Variants in ZNF804B observed in about 807,000 individuals in gnomAD.
ZNF804B encodes zinc finger protein 804B.
Under a neutral mutation model 101.4 loss-of-function variants are expected in ZNF804B, and 80 were observed. The observed-to-expected ratio is 0.79, with a 90% CI of 0.66 to 0.95. The LOEUF (loss-of-function observed/expected upper bound fraction) is 0.95, where lower values mean the gene tolerates loss of function less well. Among genes scored for constraint, ZNF804B ranks in the 40% least tolerant of loss-of-function variants. ZNF804B has a pLI of 0.00. For missense variants in ZNF804B, 1,673 were observed against 1,561.9 expected, an observed-to-expected ratio of 1.07 and a Z score of -1.20; for synonymous variants, 622 against 558.8, an observed-to-expected ratio of 1.11 and a Z score of -1.59.
rs574979430 is a variant in ZNF804B, at chr7:89,277,111, A to G, written c.250-50233A>G. On this transcript the variant is annotated intron_variant, in intron 2 of 3. Coordinates refer to ENST00000333190, the MANE Select transcript of ZNF804B (RefSeq NM_181646.5). ...TATTATGTATACAAATATTTATTAT[A>G]TATAAATATATACAAAAATATAAAA... is the stretch of plus-strand genomic sequence containing the variant. 2.6e-3 allele frequency among the ~76,000 whole-genome samples: 384 copies of G among 148,360 alleles called. 10 individuals carry two copies. Among genetic ancestry groups the G allele is most frequent in the African/African-American group, 9.1e-3 (371 of 40,662 alleles).
intron 2 of ZNF804B, among the ~76,000 whole-genome samples, chr7:89,224,949 T>A (rs1789063815): frequency 6.6e-6 from 1 of 152,110 alleles, no homozygotes; most frequent in Non-Finnish European, 1.5e-5. Flanking sequence ...TATTAAAAAT[T>A]CTGCATTCTG....
intron 2 of ZNF804B, among the ~76,000 whole-genome samples, chr7:89,235,631 T>C (rs1789268213): frequency 6.6e-6 from 1 of 152,152 alleles, no homozygotes; most frequent in African/African-American, 2.4e-5. Context: ...AAAAAGAACT[T>C]AATTGGCTAT....
chr7:89,336,256 C>G lies in ZNF804B; in HGVS notation c.3274C>G (p.Gln1092Glu), dbSNP rs1270943076. Reference protein sequence around the residue: ...YTGVTDSTETQEDQINLDLQD... With the variant: ...YTGVTDSTETEEDQINLDLQD... ...TGGTGTGACTGATTCAACAGAGACC[C>G]AAGAAGACCAAATAAATCTAGACTT... The change falls in exon 4 of 4, where the codon CAA becomes GAA. Residue 1092 changes from glutamine to glutamate, a missense_variant. Coordinates refer to ENST00000333190, the MANE Select transcript of ZNF804B (RefSeq NM_181646.5). The G allele has an allele frequency of 6.2e-7, 1 of 1,613,764 alleles. No individual in the cohort carries two copies. The highest frequency in any genetic ancestry group is 1.7e-5 in the Admixed American group (1 of 59,936).
At chr7:89,235,561 T>A (rs535435258) in intron 2 of ZNF804B, among the ~76,000 whole-genome samples, 3 of 152,324 alleles carry the variant, frequency 2.0e-5, no homozygotes, top group Admixed American at 6.5e-5. Context: ...GTGTGTTAAA[T>A]TTGAGCAGTA....
At chr7:89,182,942 T>G (rs1416782850) in intron 1 of ZNF804B, among the ~76,000 whole-genome samples, 1 of 152,178 alleles carries the variant, frequency 6.6e-6, no homozygotes, top group Non-Finnish European at 1.5e-5. Context: ...ATGCATTATC[T>G]GTGTTTTCAA....
At chr7:88,956,838 C>A (rs1366215948) in intron 1 of ZNF804B, among the ~76,000 whole-genome samples, 1 of 151,426 alleles carries the variant, frequency 6.6e-6, no homozygotes, top group Non-Finnish European at 1.5e-5. Context: ...CAAATGCTAG[C>A]AACTCTATTT....
chr7:88,765,043 C>G (rs1203663869), intron 1 of ZNF804B, among the ~76,000 whole-genome samples: 1 of 152,060 alleles, frequency 6.6e-6, no homozygotes, highest in Non-Finnish European at 1.5e-5. Flanking sequence ...TTTTAGTTAG[C>G]ACCTATGCTA....
intron 1 of ZNF804B, among the ~76,000 whole-genome samples, chr7:89,069,280 A>G (rs953267735): frequency 6.6e-6 from 1 of 152,196 alleles, no homozygotes; most frequent in African/African-American, 2.4e-5. Flanking sequence ...ATGGGGCACA[A>G]AGTGTTAAAG....
chr7:89,322,800 A>C (rs1225690445), intron 2 of ZNF804B, among the ~76,000 whole-genome samples: 1 of 152,212 alleles, frequency 6.6e-6, no homozygotes, highest in African/African-American at 2.4e-5. Context: ...GACAACAACC[A>C]GAAAAAATAC....
intron 1 of ZNF804B, among the ~76,000 whole-genome samples, chr7:89,183,453 A>G (rs1323850788): frequency 3.3e-5 from 5 of 152,286 alleles, no homozygotes; most frequent in Non-Finnish European, 7.3e-5. Context: ...TATGCAGGAG[A>G]AAAGTAAGGA....
At chr7:88,921,923 A>G (rs1368824776) in intron 1 of ZNF804B, among the ~76,000 whole-genome samples, 1 of 152,132 alleles carries the variant, frequency 6.6e-6, no homozygotes, top group Non-Finnish European at 1.5e-5. Flanking sequence ...GTGCCTCACT[A>G]AAGAAGAATT....
At chr7:89,204,751 T>C (rs1025884919) in intron 1 of ZNF804B, among the ~76,000 whole-genome samples, 5 of 152,202 alleles carry the variant, frequency 3.3e-5, no homozygotes, top group Non-Finnish European at 7.3e-5. Flanking sequence ...GGTAGGACTA[T>C]TAAAATGTGA....
At chr7:89,013,424 A>G (rs1000438921) in intron 1 of ZNF804B, among the ~76,000 whole-genome samples, 2 of 152,220 alleles carry the variant, frequency 1.3e-5, no homozygotes, top group African/African-American at 4.8e-5. Context: ...GGTAACTTCT[A>G]TATACAATGA....
intron 2 of ZNF804B, among the ~76,000 whole-genome samples, chr7:89,221,764 C>A (rs1418201663): frequency 1.4e-5 from 2 of 139,346 alleles, no homozygotes; most frequent in Non-Finnish European, 3.2e-5. Flanking sequence ...TATATGCACA[C>A]TTCCATCTTT....
At chr7:89,036,012 A>G (rs1293305775) in intron 1 of ZNF804B, among the ~76,000 whole-genome samples, 4 of 109,294 alleles carry the variant, frequency 3.7e-5, no homozygotes, top group Admixed American at 1.8e-4. Context: ...ATATTAATAT[A>G]TAGTATATAT....
At chr7:89,008,404 G>C (rs1339803711) in intron 1 of ZNF804B, among the ~76,000 whole-genome samples, 1 of 152,138 alleles carries the variant, frequency 6.6e-6, no homozygotes, top group Non-Finnish European at 1.5e-5. Context: ...GATGAGCCTT[G>C]TTTTCTCCAC....
chr7:89,035,152 C>G (rs1317104268), intron 1 of ZNF804B, among the ~76,000 whole-genome samples: 1 of 152,048 alleles, frequency 6.6e-6, no homozygotes, highest in African/African-American at 2.4e-5. Context: ...GTGTTCTAAA[C>G]TAGATATCAC....
At chr7:88,760,190 C>A in intron 1 of ZNF804B, 106 bp downstream of exon 1, 2 of 901,508 alleles carry the variant, frequency 2.2e-6, no homozygotes, top group Non-Finnish European at 3.6e-6. Context: ...TGGTGGACAT[C>A]TAAAACGTAT....
chr7:88,974,100 T>G (rs1284312735), intron 1 of ZNF804B, among the ~76,000 whole-genome samples: 1 of 151,292 alleles, frequency 6.6e-6, no homozygotes, highest in African/African-American at 2.4e-5. Context: ...AGGGGATATA[T>G]AGGGATTCCC....
Sources: gnomAD v4.1 joint callset for allele counts (sites outside exome capture counted in the v4.1 genomes callset) on GRCh38, gnomAD v4.1.1 for gene constraint, MANE v1.5 for transcripts, NCBI Gene and HGNC (gene_info 2026-07-23, HGNC 2026-07-21) for gene names.